Variants in CDK14 observed in about 807,000 individuals in gnomAD.
CDK14 encodes cyclin-dependent kinase 14.
A neutral mutation model predicts 60.7 loss-of-function variants in CDK14; 34 were observed. That is an observed-to-expected ratio of 0.56 (90% confidence interval 0.43 to 0.75). CDK14 has a LOEUF of 0.75. CDK14 is among the 30% of genes least tolerant of loss of function. The probability of loss-of-function intolerance (pLI) is 0.00; values close to 1 mark genes in which losing one functional copy is unlikely to be tolerated. For synonymous variants in CDK14, 197 were observed against 203.7 expected (o/e 0.97, Z 0.28); for missense variants, 482 against 564.1 (o/e 0.85, Z 1.47).
At chr7:91,064,664 C>T (rs1797920031) in intron 11 of CDK14, among the ~76,000 whole-genome samples, 2 of 152,150 alleles carry the variant, frequency 1.3e-5, no homozygotes, top group Non-Finnish European at 2.9e-5. Context: ...TTTCTAGCCT[C>T]GGTTTACCCA....
intron 2 of CDK14, among the ~76,000 whole-genome samples, chr7:90,670,418 A>G (rs773341631): frequency 1.3e-5 from 2 of 152,162 alleles, no homozygotes; most frequent in East Asian, 3.8e-4. Context: ...CTACAATTTC[A>G]TACCTTCTGT....
intron 2 of CDK14, among the ~76,000 whole-genome samples, chr7:90,703,019 GT>G (rs11439141): frequency 0.017 from 2,458 of 147,120 alleles, 27 homozygotes; most frequent in Middle Eastern, 0.027. Context: ...TTGTTGTTTT[GT>G]TTTTTTTTTC....
At chr7:90,874,589 CGCAATCTCGGCTCACT>C (rs1562807662) in intron 6 of CDK14, among the ~76,000 whole-genome samples, 2 of 126,470 alleles carry the variant, frequency 1.6e-5, no homozygotes, top group Non-Finnish European at 3.2e-5. Context: ...ACTGCAGTGG[CGCAATCTCGGCTCACT>C]GCAAGCTCCG....
At chr7:90,973,829 A>T (rs1416491545) in intron 9 of CDK14, among the ~76,000 whole-genome samples, 1 of 152,132 alleles carries the variant, frequency 6.6e-6, no homozygotes, top group Non-Finnish European at 1.5e-5. Context: ...GGCAAGGGCA[A>T]AATTAGAATT....
intron 8 of CDK14, among the ~76,000 whole-genome samples, chr7:90,937,086 A>G (rs1375265316): frequency 6.6e-6 from 1 of 152,230 alleles, no homozygotes; most frequent in Non-Finnish European, 1.5e-5. Flanking sequence ...CTCTTAAAAA[A>G]TAAATCAAAT....
intron 2 of CDK14, among the ~76,000 whole-genome samples, chr7:90,614,397 T>C (rs1227473226): frequency 6.6e-6 from 1 of 151,788 alleles, no homozygotes; most frequent in Non-Finnish European, 1.5e-5. Flanking sequence ...TTGCTTTCAG[T>C]TTTGCAAGCT....
intron 2 of CDK14, chr7:90,726,216 A>T: frequency 1.6e-6 from 1 of 642,832 alleles, no homozygotes; most frequent in Non-Finnish European, 1.9e-6. Flanking sequence ...AATTAAGGCT[A>T]GTTACCCAAC....
chr7:90,908,460 A>G (rs1254624100), intron 7 of CDK14, among the ~76,000 whole-genome samples: 3 of 152,186 alleles, frequency 2.0e-5, no homozygotes, highest in Admixed American at 6.6e-5. Context: ...AATGCAGACA[A>G]TGATTGGAAG....
intron 5 of CDK14, among the ~76,000 whole-genome samples, chr7:90,858,924 G>A (rs1425608648): frequency 6.6e-6 from 1 of 152,180 alleles, no homozygotes; most frequent in South Asian, 2.1e-4. Context: ...TGTGGTAAAT[G>A]TATAGTGATT....
At chr7:91,086,679 G>A (rs977082228) in intron 12 of CDK14, among the ~76,000 whole-genome samples, 1 of 151,798 alleles carries the variant, frequency 6.6e-6, no homozygotes, top group African/African-American at 2.4e-5. Context: ...GTGTGTGTGT[G>A]TGTGTATATA....
At chr7:90,619,277 T>G (rs1459844728) in intron 2 of CDK14, among the ~76,000 whole-genome samples, 1 of 152,236 alleles carries the variant, frequency 6.6e-6, no homozygotes, top group East Asian at 1.9e-4. Flanking sequence ...TTGAATGATA[T>G]TTAACATCTC....
At chr7:90,963,901 A>T (rs1282110885) in intron 9 of CDK14, among the ~76,000 whole-genome samples, 1 of 151,820 alleles carries the variant, frequency 6.6e-6, no homozygotes, top group Non-Finnish European at 1.5e-5. Context: ...TTTTTAGTAG[A>T]GATGGGGTTT....
chr7:90,757,046 C>G (rs1371444504), intron 4 of CDK14, among the ~76,000 whole-genome samples: 1 of 152,150 alleles, frequency 6.6e-6, no homozygotes, highest in Non-Finnish European at 1.5e-5. Context: ...GGCTAGAAGT[C>G]TGAAATCAAG....
rs77170024 is a variant in CDK14, at chr7:91,113,036, A to C, written c.1294+355A>C. 1.2e-4 allele frequency among the ~76,000 whole-genome samples: 19 copies of C among 152,338 alleles called. No homozygotes were observed. In the East Asian group the frequency reaches 3.7e-3, roughly 29 times the overall value. On this transcript the variant is annotated intron_variant, in intron 13 of 14. Coordinates refer to ENST00000380050, the MANE Select transcript of CDK14 (RefSeq NM_001287135.2). ...GTATTTGATTATGTGTGTGTCCAAAAAAATGATCTGAACAGTCATAAAGGA... is the reference window on the plus strand; with the variant it reads ...GTATTTGATTATGTGTGTGTCCAAACAAATGATCTGAACAGTCATAAAGGA...
At chr7:91,121,008 C>T (rs1799768499) in intron 14 of CDK14, among the ~76,000 whole-genome samples, 1 of 152,126 alleles carries the variant, frequency 6.6e-6, no homozygotes, top group Non-Finnish European at 1.5e-5. Flanking sequence ...TAATGTCTCA[C>T]CTTTGTGGAG....
chr7:90,655,522 TTAATCACA>T, intron 2 of CDK14, among the ~76,000 whole-genome samples: 1 of 152,344 alleles, frequency 6.6e-6, no homozygotes, highest in East Asian at 1.9e-4. Flanking sequence ...GATTAATCAC[TTAATCACA>T]TACTTAAGTA....
At chr7:90,649,244 C>CTTTGTTTCTTTGTTTCTTTG (rs1447272273) in intron 2 of CDK14, among the ~76,000 whole-genome samples, 11 of 26,696 alleles carry the variant, frequency 4.1e-4, no homozygotes, top group East Asian at 1.7e-3. Context: ...TAGTTTCTTT[C>CTTTGTTTCTTTGTTTCTTTG]TTTCTTTCTT....
chr7:91,083,211 G>A (rs887783691), intron 12 of CDK14, among the ~76,000 whole-genome samples: 1 of 151,858 alleles, frequency 6.6e-6, no homozygotes, highest in African/African-American at 2.4e-5. Context: ...TATTTTCAAA[G>A]AAATTATTCT....
At chr7:90,901,742 T>G (rs1792513205) in intron 7 of CDK14, among the ~76,000 whole-genome samples, 1 of 151,724 alleles carries the variant, frequency 6.6e-6, no homozygotes, top group Non-Finnish European at 1.5e-5. Flanking sequence ...CTGCATAGTA[T>G]AATACTGAGA....
Sources: gnomAD v4.1 joint callset for allele counts (sites outside exome capture counted in the v4.1 genomes callset) on GRCh38, gnomAD v4.1.1 for gene constraint, MANE v1.5 for transcripts, NCBI Gene and HGNC (gene_info 2026-07-23, HGNC 2026-07-21) for gene names.